Variants in SCHIP1 observed in about 807,000 individuals in gnomAD.
SCHIP1 encodes the protein schwannomin-interacting protein 1.
In SCHIP1, 8 loss-of-function variants were observed where a neutral mutation model predicts 29.7. The ratio of observed to expected loss-of-function variants is 0.27; its 90% CI spans 0.16 to 0.49. SCHIP1 has a LOEUF of 0.49. Among genes scored for constraint, SCHIP1 ranks in the 20% least tolerant of loss-of-function variants. The pLI is 0.99. For missense variants in SCHIP1, 193 were observed against 294.6 expected, an observed-to-expected ratio of 0.66 and a Z score of 2.52; for synonymous variants, 76 against 94.9, an observed-to-expected ratio of 0.80 and a Z score of 1.16.
the SCHIP1 span, among the ~76,000 whole-genome samples, chr3:159,475,044 A>G: frequency 6.6e-6 from 1 of 152,180 alleles, no homozygotes; most frequent in South Asian, 2.1e-4. Flanking sequence ...CAGTTCCTCA[A>G]AAAATTAAAC....
chr3:159,572,220 C>T, the SCHIP1 span, among the ~76,000 whole-genome samples: 7 of 152,108 alleles, frequency 4.6e-5, no homozygotes, highest in South Asian at 2.1e-4. Flanking sequence ...GTTATGGTGT[C>T]AATTTTAGAT....
the SCHIP1 span, among the ~76,000 whole-genome samples, chr3:159,734,455 TATAAG>T: frequency 1.3e-5 from 2 of 152,082 alleles, no homozygotes; most frequent in African/African-American, 2.4e-5. Flanking sequence ...TGTTATCTTT[TATAAG>T]ATAAGTCAAG....
At chr3:159,442,447 G>T in the SCHIP1 span, among the ~76,000 whole-genome samples, 1 of 152,146 alleles carries the variant, frequency 6.6e-6, no homozygotes, top group Non-Finnish European at 1.5e-5. Context: ...AGCTGGCTGA[G>T]CTTAGGTCCC....
the SCHIP1 span, among the ~76,000 whole-genome samples, chr3:159,338,772 T>A: frequency 1.0e-3 from 156 of 152,282 alleles, 2 homozygotes; most frequent in South Asian, 0.024. Context: ...ATATATTGGA[T>A]GCTATGGTTT....
At chr3:159,888,995 G>A (rs1717226643) in intron 5 of SCHIP1, 52 bp downstream of exon 6, 1 of 1,567,478 alleles carries the variant, frequency 6.4e-7, no homozygotes, top group Non-Finnish European at 8.7e-7. Flanking sequence ...AACATTATGG[G>A]ATAATGCTGC....
the SCHIP1 span, among the ~76,000 whole-genome samples, chr3:159,498,856 G>A: frequency 3.9e-3 from 586 of 152,150 alleles, 3 homozygotes; most frequent in African/African-American, 0.013. Context: ...TATTTTACAG[G>A]CTTCTTTGGG....
chr3:159,842,997 CTTTCTTTTT>C lies in SCHIP1; in HGVS notation c.30+2787_30+2795del, dbSNP rs1170215311. On this transcript the variant is annotated intron_variant, in intron 1 of 6. Coordinates refer to ENST00000445224, the Ensembl canonical transcript of SCHIP1. ...GCTCTCCAGTTCTATCCCAATATTT[CTTTCTTTTT>C]TTTTTTTTTTTTTTTTTTTTTTTGA... is the stretch of plus-strand genomic sequence containing the variant. Among the ~76,000 whole-genome samples, 56 of 61,772 alleles carry C rather than the reference CTTTCTTTTT, an allele frequency of 9.1e-4. 7 individuals carry two copies. The East Asian group carries it at 9.4e-3, about 10-fold the overall frequency. 40.5% of individuals were successfully genotyped at this position (61,772 alleles called of 152,430 possible).
chr3:159,303,943 C>T, the SCHIP1 span, among the ~76,000 whole-genome samples: 4 of 151,834 alleles, frequency 2.6e-5, no homozygotes, highest in African/African-American at 7.3e-5. Flanking sequence ...ACATGTGCCA[C>T]GCTGTTGCGC....
the SCHIP1 span, among the ~76,000 whole-genome samples, chr3:159,316,185 G>A: frequency 6.6e-6 from 1 of 150,772 alleles, no homozygotes; most frequent in African/African-American, 2.4e-5. Context: ...GAACTAATAG[G>A]ATATATATAT....
the SCHIP1 span, among the ~76,000 whole-genome samples, chr3:159,407,036 C>T: frequency 5.3e-5 from 8 of 152,022 alleles, no homozygotes; most frequent in Non-Finnish European, 8.8e-5. Context: ...AGGTCCCTAC[C>T]TATCAATAAT....
chr3:159,457,847 T>C, the SCHIP1 span, among the ~76,000 whole-genome samples: 161 of 152,288 alleles, frequency 1.1e-3, 2 homozygotes, highest in South Asian at 0.011. Context: ...ATATATGTAA[T>C]AAAAATTATG....
At chr3:159,429,706 G>A in the SCHIP1 span, among the ~76,000 whole-genome samples, 3 of 152,122 alleles carry the variant, frequency 2.0e-5, no homozygotes, top group Admixed American at 6.5e-5. Flanking sequence ...CACAAGAACA[G>A]GTTATGCCGT....
chr3:159,723,795 C>G, the SCHIP1 span, among the ~76,000 whole-genome samples: 4 of 152,146 alleles, frequency 2.6e-5, no homozygotes, highest in Admixed American at 2.0e-4. Context: ...AGAGACCCAG[C>G]AAAAGCAGTA....
the SCHIP1 span, among the ~76,000 whole-genome samples, chr3:159,561,072 G>A: frequency 6.6e-6 from 1 of 152,276 alleles, no homozygotes; most frequent in Non-Finnish European, 1.5e-5. Context: ...ACCAGATTCA[G>A]TGTTTTTTAT....
chr3:159,571,251 A>C, the SCHIP1 span, among the ~76,000 whole-genome samples: 3 of 152,182 alleles, frequency 2.0e-5, no homozygotes, highest in African/African-American at 7.2e-5. Flanking sequence ...TTGCCCATTC[A>C]GTATATTGGC....
chr3:159,673,158 A>C, the SCHIP1 span, among the ~76,000 whole-genome samples: 1 of 152,216 alleles, frequency 6.6e-6, no homozygotes, highest in Non-Finnish European at 1.5e-5. Flanking sequence ...ACAGCCTTGA[A>C]ACAATGTTTC....
At chr3:159,317,120 T>C in the SCHIP1 span, among the ~76,000 whole-genome samples, 2 of 152,204 alleles carry the variant, frequency 1.3e-5, no homozygotes, top group African/African-American at 4.8e-5. Context: ...TCACAGAGCA[T>C]GGTAATACTC....
At chr3:159,561,493 A>T in the SCHIP1 span, among the ~76,000 whole-genome samples, 1 of 152,212 alleles carries the variant, frequency 6.6e-6, no homozygotes, top group East Asian at 1.9e-4. Flanking sequence ...GTTAACTGTC[A>T]TGAATATACA....
At chr3:159,627,183 TC>T in the SCHIP1 span, among the ~76,000 whole-genome samples, 1 of 152,330 alleles carries the variant, frequency 6.6e-6, no homozygotes, top group African/African-American at 2.4e-5. Context: ...TTCAGCTTCA[TC>T]CATGTCCCCG....
Sources: gnomAD v4.1 joint callset for allele counts (sites outside exome capture counted in the v4.1 genomes callset) on GRCh38, gnomAD v4.1.1 for gene constraint, MANE v1.5 for transcripts, NCBI Gene and HGNC (gene_info 2026-07-23, HGNC 2026-07-21) for gene names.